DNAH10: variants seen among roughly 807,000 people sequenced by gnomAD.
DNAH10 encodes axonemal beta dynein heavy chain 10.
In DNAH10, 348 loss-of-function variants were observed where a neutral mutation model predicts 506.6. The observed-to-expected ratio is 0.69, with a 90% CI of 0.63 to 0.75. The LOEUF (loss-of-function observed/expected upper bound fraction) is 0.75. DNAH10 is among the 30% of genes least tolerant of loss of function. The pLI is 0.00. For synonymous variants in DNAH10, 2,059 were observed against 2,198.6 expected (o/e 0.94, Z 1.78); for missense variants, 5,179 against 5,787.1 (o/e 0.89, Z 3.41).
chr12:123,822,590 T>A (rs1259122113), intron 24 of DNAH10, among the ~76,000 whole-genome samples: 6 of 152,242 alleles, frequency 3.9e-5, no homozygotes, highest in Non-Finnish European at 1.5e-5. Flanking sequence ...TACATATCTA[T>A]TTCTAATCTA....
intron 36 of DNAH10, among the ~76,000 whole-genome samples, chr12:123,854,263 T>A (rs556000694): frequency 1.3e-5 from 2 of 152,254 alleles, no homozygotes; most frequent in African/African-American, 4.8e-5. Context: ...ATGTCCAAAG[T>A]TGAAGGGCGA....
intron 65 of DNAH10, among the ~76,000 whole-genome samples, chr12:123,921,326 C>T (rs542223619): frequency 6.6e-6 from 1 of 152,336 alleles, no homozygotes; most frequent in African/African-American, 2.4e-5. Context: ...CAGCATTCGT[C>T]GTGAAAACGT....
rs899095899 is a variant in DNAH10, at chr12:123,907,325, G to T, written c.9816-1936G>T. ...TAGAGTACTGGGAGGTGGGGAGTGGGGTTTATAAGGATTATTTTCCTCTAG... is the reference window on the plus strand; with the variant it reads ...TAGAGTACTGGGAGGTGGGGAGTGGTGTTTATAAGGATTATTTTCCTCTAG... On this transcript the variant is annotated intron_variant, in intron 57 of 78. Coordinates refer to ENST00000673944, the MANE Select transcript of DNAH10 (RefSeq NM_001372106.1). The surrounding 1 kb of genome is among the most constrained non-coding windows in gnomAD (Gnocchi z 4.4). 6.6e-6 allele frequency among the ~76,000 whole-genome samples: 1 copy of T among 152,086 alleles called. No individual in the cohort carries two copies. Among genetic ancestry groups the T allele is most frequent in the African/African-American group, 2.4e-5 (1 of 41,390 alleles).
intron 51 of DNAH10, 127 bp from the exon 52 acceptor site, chr12:123,887,015 G>A (rs1952764192): frequency 8.5e-7 from 1 of 1,182,900 alleles, no homozygotes; most frequent in Admixed American, 3.2e-5. Context: ...TTTCTTTCCT[G>A]ACCTACTTCC....
chr12:123,879,252 T>C lies in DNAH10; in HGVS notation c.8373-12T>C, dbSNP rs867524961. On this transcript the variant is annotated splice_polypyrimidine_tract_variant and intron_variant, in intron 48 of 78. Transcript: ENST00000673944. ...GACTTCCTGGCTGATTTTTGTCCCT[T>C]CCATTCTGCAGATTCCAGACGGTGG... 1 of 1,562,760 alleles carries C rather than the reference T, an allele frequency of 6.4e-7. No homozygotes were observed. Among genetic ancestry groups the C allele is most frequent in the Middle Eastern group, 1.7e-4 (1 of 5,964 alleles).
intron 47 of DNAH10, 72 bp from the exon 48 acceptor site, chr12:123,877,664 C>G (rs1215957968): frequency 2.6e-6 from 4 of 1,516,294 alleles, no homozygotes; most frequent in Non-Finnish European, 3.5e-6. Flanking sequence ...TACGGCTCTG[C>G]CACATTTTGT....
rs566747772 is a variant in DNAH10, at chr12:123,934,782, C to A, written c.13623+16C>A. ...CAAGCTGCAGGTGAAGGTCCCAGCC[C>A]CTCCTCTCTGACACCAGGGCCCTTC... On this transcript the variant is annotated intron_variant, in intron 78 of 78. Coordinates refer to ENST00000673944, the MANE Select transcript of DNAH10 (RefSeq NM_001372106.1). 97 of 1,612,906 alleles carry A rather than the reference C, an allele frequency of 6.0e-5. No individual in the cohort carries two copies. In the South Asian group the frequency reaches 7.1e-4, roughly 12 times the overall value.
intron 4 of DNAH10, 123 bp downstream of exon 4, chr12:123,773,065 T>G: frequency 1.5e-6 from 1 of 669,148 alleles, no homozygotes; most frequent in South Asian, 2.0e-5. Flanking sequence ...TCTCTTTCTT[T>G]TCCATACTGT....
chr12:123,892,117 T>C (rs993334313), intron 52 of DNAH10, among the ~76,000 whole-genome samples: 1 of 152,248 alleles, frequency 6.6e-6, no homozygotes, highest in South Asian at 2.1e-4. Flanking sequence ...ACCCAAGCAG[T>C]GTGGGCACAA....
At position 123,919,351 on chromosome 12, in the gene DNAH10, G is replaced by C. The variant is rs568224211; in HGVS notation, c.11506+402G>C. Among the ~76,000 whole-genome samples, 32 of 152,116 alleles carry C rather than the reference G, an allele frequency of 2.1e-4. No homozygotes were observed. The highest frequency in any genetic ancestry group is 2.6e-4 in the Non-Finnish European group (18 of 68,016). On this transcript the variant is annotated intron_variant, in intron 65 of 78. Coordinates refer to ENST00000673944, the MANE Select transcript of DNAH10 (RefSeq NM_001372106.1). The surrounding 1 kb of genome is among the most constrained non-coding windows in gnomAD (Gnocchi z 4.9). ...TGGCCTCCTGAAGTGCTGGGATTAC[G>C]AGGTGTGAGCCATCATGCCCAGCTC... is the stretch of plus-strand genomic sequence containing the variant.
At chr12:123,767,567 T>TA (rs746042362) in intron 1 of DNAH10, 39 bp from the exon 2 acceptor site, 25 of 1,577,392 alleles carry the variant, frequency 1.6e-5, no homozygotes, top group Non-Finnish European at 2.2e-5. Context: ...AGTGAACAAT[T>TA]ACGTTTAATA....
At chr12:123,797,046 T>G (rs1403900434) in intron 13 of DNAH10, among the ~76,000 whole-genome samples, 1 of 152,182 alleles carries the variant, frequency 6.6e-6, no homozygotes, top group African/African-American at 2.4e-5. Context: ...AATTTTTTTG[T>G]ATTTTTAGTA....
In DNAH10 at chr12:123,781,251, G is replaced by T. The variant is rs781746228; in HGVS notation, c.793G>T (p.Val265Leu). 1.2e-6 allele frequency: 2 copies of T among 1,613,734 alleles called. No individual in the cohort carries two copies. The highest frequency in any genetic ancestry group is 1.1e-5 in the South Asian group (1 of 90,910). Residue 265 changes from valine to leucine, a missense_variant, in exon 6 of 79, where the codon GTG becomes TTG. Coordinates refer to ENST00000673944, the MANE Select transcript of DNAH10 (RefSeq NM_001372106.1). ...AATACGGGATGAATTTTTAATGAAC[G>T]TGCAGAAATTTGCAAGTAATATTCA... is the stretch of plus-strand genomic sequence containing the variant. ...QLIRDEFLMN[V>L]QKFASNIQRT...
Position 123,813,204 on chromosome 12 carries a change from C to T in DNAH10, c.3185C>T (p.Pro1062Leu). 2 of 1,612,080 alleles carry T rather than the reference C, an allele frequency of 1.2e-6. No homozygotes were observed. Among genetic ancestry groups the T allele is most frequent in the South Asian group, 2.2e-5 (2 of 90,848 alleles). The change falls in exon 20 of 79, where the codon CCA becomes CTA. Residue 1062 changes from proline to leucine, a missense_variant. Transcript: ENST00000673944. ...ATGAATGGCAGCTGCATAGAATGCCCACCTCAGAAGGGGGAGGAAGAGGAA... is the reference window on the plus strand; with the variant it reads ...ATGAATGGCAGCTGCATAGAATGCCTACCTCAGAAGGGGGAGGAAGAGGAA... ...RWMNGSCIEC[P>L]PQKGEEEEVV...
rs1388901058 is a variant in DNAH10, at chr12:123,853,915, T to TA, written c.6438+564dup. ...ACACGTACGCACGCACATGTACACA[T>TA]ACGCACACGCACGCACACGCACACG... On this transcript the variant is annotated intron_variant, in intron 36 of 78. Transcript: ENST00000673944. The surrounding 1 kb of genome is among the most constrained non-coding windows in gnomAD (Gnocchi z 4.7). Among the ~76,000 whole-genome samples the TA allele has an allele frequency of 7.0e-6, 1 of 143,606 alleles. No individual in the cohort carries two copies. Among genetic ancestry groups the TA allele is most frequent in the Non-Finnish European group, 1.5e-5 (1 of 65,744 alleles). The allele number at this position is 143,606 out of a possible 152,430, so 94.2% of individuals were successfully genotyped here.
intron 36 of DNAH10, among the ~76,000 whole-genome samples, chr12:123,855,996 A>G (rs1951371412): frequency 6.7e-6 from 1 of 148,938 alleles, no homozygotes; most frequent in South Asian, 2.1e-4. Flanking sequence ...ACTTTGAAAA[A>G]TGCATATTTA....
chr12:123,935,242 G>T (rs972048890), intron 78 of DNAH10, 93 bp from the exon 79 acceptor site: 1 of 1,489,412 alleles, frequency 6.7e-7, no homozygotes, highest in Non-Finnish European at 9.2e-7. Context: ...CTTGCACAGG[G>T]GCCCCTGCCT....
At chr12:123,871,005 GT>G (rs1335426693) in intron 44 of DNAH10, among the ~76,000 whole-genome samples, 1 of 152,084 alleles carries the variant, frequency 6.6e-6, no homozygotes, top group Non-Finnish European at 1.5e-5. Flanking sequence ...TCTGACTTTG[GT>G]CCATTGAGCT....
chr12:123,931,195 A>G, intron 73 of DNAH10, 146 bp from the exon 74 acceptor site: 8 of 1,179,782 alleles, frequency 6.8e-6, no homozygotes, highest in Non-Finnish European at 8.1e-6. Context: ...AGCCTGGGTG[A>G]CTAAGACCCT....
Sources: gnomAD v4.1 joint callset for allele counts (sites outside exome capture counted in the v4.1 genomes callset) on GRCh38, gnomAD v4.1.1 for gene constraint, Gnocchi (gnomAD v3.1) non-coding constraint, MANE v1.5 for transcripts, NCBI Gene and HGNC (gene_info 2026-07-23, HGNC 2026-07-21) for gene names.